MGST1: variants seen among roughly 807,000 people sequenced by gnomAD.
MGST1 encodes the protein microsomal glutathione S-transferase 1.
MGST1 carries 5 observed loss-of-function variants against 8.9 expected under a neutral mutation model. That is an observed-to-expected ratio of 0.56 (90% confidence interval 0.29 to 1.19). The LOEUF (loss-of-function observed/expected upper bound fraction) is 1.19, where lower values mean the gene tolerates loss of function less well. Ranked by LOEUF, MGST1 falls within the 50% of genes most tolerant of loss-of-function variation. MGST1 has a pLI of 0.08. For synonymous variants in MGST1, 54 were observed against 67.8 expected (o/e 0.80, Z 1.00); for missense variants, 182 against 187.4 (o/e 0.97, Z 0.17).
chr12:16,575,194 C>T lies in MGST1; in HGVS notation n.483-14334C>T, dbSNP rs138955451. ...ATAAAAAGCTCCCTATTCTCTTTTG[C>T]AGCTCAAAATTCATAAATAAACCCA... On this transcript the variant is annotated intron_variant and non_coding_transcript_variant, in intron 4 of 4. Coordinates refer to the MGST1 transcript ENST00000538857. Among the ~76,000 whole-genome samples, 49 of 152,264 alleles carry T rather than the reference C, an allele frequency of 3.2e-4. No individual in the cohort carries two copies. In the East Asian group the frequency reaches 6.8e-3, roughly 21 times the overall value.
At chr12:16,501,104 A>C (rs1414658327) in intron 4 of MGST1, among the ~76,000 whole-genome samples, 1 of 151,190 alleles carries the variant, frequency 6.6e-6, no homozygotes, top group Non-Finnish European at 1.5e-5. Flanking sequence ...TCTCGAAAAA[A>C]AAAAAAAAAA....
intron 4 of MGST1, among the ~76,000 whole-genome samples, chr12:16,516,026 C>A (rs1479478840): frequency 2.6e-5 from 4 of 152,170 alleles, no homozygotes; most frequent in Non-Finnish European, 5.9e-5. Flanking sequence ...CGCCCCCCAC[C>A]CTGCCACCCC....
intron 1 of MGST1, chr12:16,399,280 T>C (rs1482792295): frequency 1.9e-6 from 3 of 1,604,720 alleles, no homozygotes; most frequent in Non-Finnish European, 2.6e-6. Flanking sequence ...AGAAGTTACT[T>C]CCTCTTTTTC....
At chr12:16,350,553 T>C (rs575787104) in intron 1 of MGST1, among the ~76,000 whole-genome samples, 2 of 152,268 alleles carry the variant, frequency 1.3e-5, no homozygotes, top group East Asian at 3.9e-4. Context: ...GTAAAAGGCT[T>C]TCAGTAATTT....
chr12:16,365,939 T>C (rs1940180709), downstream of MGST1, among the ~76,000 whole-genome samples: 2 of 152,252 alleles, frequency 1.3e-5, no homozygotes, highest in Non-Finnish European at 2.9e-5. Flanking sequence ...AATCTCTCAA[T>C]CATAAAGATT....
intron 4 of MGST1, among the ~76,000 whole-genome samples, chr12:16,461,872 C>T (rs1046516870): frequency 6.6e-6 from 1 of 152,100 alleles, no homozygotes; most frequent in South Asian, 2.1e-4. Context: ...TTATCCCCAA[C>T]CACCTTTTAA....
chr12:16,542,940 C>G (rs1941801055), intron 4 of MGST1, among the ~76,000 whole-genome samples: 1 of 152,168 alleles, frequency 6.6e-6, no homozygotes, highest in Non-Finnish European at 1.5e-5. Context: ...GATGGTTCTT[C>G]AAGACTAAAG....
chr12:16,500,457 T>C lies in MGST1; in HGVS notation n.483-89071T>C, dbSNP rs1160367821. ...TTTAATTAGAATTTATTTTTAGATA[T>C]TTAGATTACATTACATTTACAGTTT... On this transcript the variant is annotated intron_variant and non_coding_transcript_variant, in intron 4 of 4. Coordinates refer to the MGST1 transcript ENST00000538857. The surrounding 1 kb of genome is among the most constrained non-coding windows in gnomAD (Gnocchi z 4.3). Among the ~76,000 whole-genome samples the C allele has an allele frequency of 6.6e-6, 1 of 152,214 alleles. No individual in the cohort carries two copies.
intron 3 of MGST1, chr12:16,376,104 T>C: frequency 1.6e-5 from 20 of 1,223,022 alleles, no homozygotes; most frequent in Non-Finnish European, 2.2e-5. Flanking sequence ...AAAATCTTAT[T>C]TTTTTTTAAT....
intron 1 of MGST1, among the ~76,000 whole-genome samples, chr12:16,408,030 C>CAAAAAAAAAAAAAAAAAAAAA (rs200073692): frequency 1.4e-4 from 6 of 44,096 alleles, no homozygotes; most frequent in East Asian, 4.8e-4. Flanking sequence ...GACTCTGTCT[C>CAAAAAAAAAAAAAAAAAAAAA]AAAAAAAAAA....
At chr12:16,530,317 T>C (rs1340048180) in intron 4 of MGST1, among the ~76,000 whole-genome samples, 1 of 152,112 alleles carries the variant, frequency 6.6e-6, no homozygotes, top group Non-Finnish European at 1.5e-5. Context: ...TCTTTGTTTT[T>C]TTAAAATGTC....
chr12:16,571,675 T>C (rs1435527184), intron 4 of MGST1, among the ~76,000 whole-genome samples: 1 of 152,036 alleles, frequency 6.6e-6, no homozygotes, highest in Non-Finnish European at 1.5e-5. Flanking sequence ...ACAATTTCTG[T>C]TCTTTGGTTC....
At chr12:16,378,022 G>T, downstream of MGST1, among the ~76,000 whole-genome samples, 1 of 151,666 alleles carries the variant, frequency 6.6e-6, no homozygotes, top group East Asian at 1.9e-4. Context: ...ATTTGTTTGA[G>T]TTCATTGTAG....
At chr12:16,515,544 C>T (rs544666602) in intron 4 of MGST1, among the ~76,000 whole-genome samples, 73 of 150,006 alleles carry the variant, frequency 4.9e-4, no homozygotes, top group Non-Finnish European at 2.1e-4. Flanking sequence ...GCAGGAGAAT[C>T]GCTTGAACTG....
rs1591748887 is a variant in MGST1, at chr12:16,513,430, C to T, written n.483-76098C>T. 4.5e-5 allele frequency: 18 copies of T among 396,902 alleles called. No individual in the cohort carries two copies. Among genetic ancestry groups the T allele is most frequent in the South Asian group, 2.9e-4 (15 of 51,240 alleles). The allele number at this position is 396,902 out of a possible 1,614,324, so 24.6% of individuals were successfully genotyped here. On this transcript the variant is annotated intron_variant and non_coding_transcript_variant, in intron 4 of 4. Coordinates refer to the MGST1 transcript ENST00000538857. The surrounding 1 kb of genome is among the most constrained non-coding windows in gnomAD (Gnocchi z 4.2). ...GCTCCAGCTGCGTCGTCTCCGGGAT[C>T]GCCGCCGCCTTCCACCCGGGCTCGC...
chr12:16,449,636 A>G (rs1030769131), intron 4 of MGST1, among the ~76,000 whole-genome samples: 5 of 151,994 alleles, frequency 3.3e-5, no homozygotes, highest in Admixed American at 2.0e-4. Context: ...AATGGCAATA[A>G]GCAAGATCAA....
downstream of MGST1, among the ~76,000 whole-genome samples, chr12:16,593,131 T>C (rs1397151851): frequency 6.6e-6 from 1 of 151,900 alleles, no homozygotes; most frequent in Non-Finnish European, 1.5e-5. This position sits in a 1 kb window ranked among gnomAD's most constrained non-coding sequence, Gnocchi z 4.2. Flanking sequence ...CTGATATTTA[T>C]GTTTACTAAA....
intron 4 of MGST1, among the ~76,000 whole-genome samples, chr12:16,501,552 T>C (rs1435726779): frequency 6.6e-6 from 1 of 152,218 alleles, no homozygotes; most frequent in African/African-American, 2.4e-5. Flanking sequence ...TGGTCAACAA[T>C]GAAGGCTTAT....
downstream of MGST1, chr12:16,589,685 C>CAAGATCAAGCAACTTTTCTTT (rs1407827925): frequency 2.6e-5 from 4 of 152,050 alleles, no homozygotes; most frequent in Non-Finnish European, 5.9e-5. This position sits in a 1 kb window ranked among gnomAD's most constrained non-coding sequence, Gnocchi z 4.2. Flanking sequence ...ACTATCAGGT[C>CAAGATCAAGCAACTTTTCTTT]AAGATCAAGC....
Sources: gnomAD v4.1 joint callset for allele counts (sites outside exome capture counted in the v4.1 genomes callset) on GRCh38, gnomAD v4.1.1 for gene constraint, Gnocchi (gnomAD v3.1) non-coding constraint, MANE v1.5 for transcripts, NCBI Gene and HGNC (gene_info 2026-07-23, HGNC 2026-07-21) for gene names.